Variants in ELMOD2 observed in about 807,000 individuals in gnomAD.
ELMOD2 encodes the protein ELMO domain-containing protein 2.
In ELMOD2, 28 loss-of-function variants were observed where a neutral mutation model predicts 41.0. That is an observed-to-expected ratio of 0.68 (90% confidence interval 0.51 to 0.94). ELMOD2 has a LOEUF of 0.94. Ranked by LOEUF, ELMOD2 falls within the 40% of genes least tolerant of loss-of-function variation. The probability of loss-of-function intolerance (pLI) is 0.00; values close to 1 mark genes in which losing one functional copy is unlikely to be tolerated. For synonymous variants in ELMOD2, 106 were observed against 107.2 expected (o/e 0.99, Z 0.07); for missense variants, 333 against 343.1 (o/e 0.97, Z 0.23).
At chr4:140,548,602 T>C (rs1735366484) in intron 8 of ELMOD2, among the ~76,000 whole-genome samples, 1 of 152,174 alleles carries the variant, frequency 6.6e-6, no homozygotes, top group Admixed American at 6.6e-5. Context: ...CCCTTTTGTG[T>C]AAAGTCATTG....
chr4:140,538,219 CA>C (rs1734992457), intron 5 of ELMOD2, among the ~76,000 whole-genome samples: 1 of 152,112 alleles, frequency 6.6e-6, no homozygotes, highest in Non-Finnish European at 1.5e-5. Context: ...GGAGATGAAG[CA>C]ATTTGCTTTA....
intron 1 of ELMOD2, 131 bp from the exon 2 acceptor site, chr4:140,525,285 CTAAT>C (rs1363609048): frequency 1.7e-5 from 16 of 926,746 alleles, no homozygotes; most frequent in African/African-American, 3.4e-5. Context: ...TTTTAAATGC[CTAAT>C]TAAACTGTCA....
rs1293788571 is a variant in ELMOD2, at chr4:140,553,722, A to G, written c.*3347A>G. On this transcript the variant is annotated 3_prime_UTR_variant, in exon 9 of 9. Transcript: ENST00000323570. ...AGTAAAAGCAATAGTGTAAAATGTC[A>G]TTTTGTTTGGAATGTTAAGTGAGCA... is the stretch of plus-strand genomic sequence containing the variant. 1 of 152,160 alleles carries G rather than the reference A, an allele frequency of 6.6e-6. No homozygotes were observed. The highest frequency in any genetic ancestry group is 2.4e-5 in the African/African-American group (1 of 41,456). The allele number at this position is 152,160 out of a possible 1,614,324, so 9.4% of individuals were successfully genotyped here.
chr4:140,548,024 C>T (rs1477326816), intron 8 of ELMOD2, among the ~76,000 whole-genome samples: 1 of 152,084 alleles, frequency 6.6e-6, no homozygotes, highest in Non-Finnish European at 1.5e-5. Context: ...TTATAGTCTC[C>T]GTTCTTCAAG....
chr4:140,527,799 C>T (rs1015953499), intron 3 of ELMOD2: 5 of 289,528 alleles, frequency 1.7e-5, no homozygotes, highest in African/African-American at 8.9e-5. Flanking sequence ...AGACTGTGTC[C>T]TCAGGATAGA....
In ELMOD2 at chr4:140,543,486, A is replaced by G. The variant is rs772895784; in HGVS notation, c.636A>G (p.Thr212=). ...ATGCAATAGTTGGAATCAATCTTAC[A>G]GAGATGGCTTATAGCTTACTGAAGA... The part of the protein sequence containing the change: ...YSYAIVGINL[T]EMAYSLLKSE... Residue 212 remains threonine (T), a synonymous_variant, in exon 8 of 9, where the codon ACA becomes ACG. Coordinates refer to ENST00000323570, the MANE Select transcript of ELMOD2 (RefSeq NM_153702.4). 7.5e-6 allele frequency: 12 copies of G among 1,604,604 alleles called. No individual in the cohort carries two copies. The South Asian group carries it at 1.2e-4, about 17-fold the overall frequency.
At chr4:140,525,070 C>T (rs79650369) in intron 1 of ELMOD2, 11,279 of 172,652 alleles carry the variant, frequency 0.065, 437 homozygotes, top group South Asian at 0.1. Flanking sequence ...TGATCTTGAA[C>T]TGTTGAGCCC....
chr4:140,545,145 G>A (rs766254407), intron 8 of ELMOD2, among the ~76,000 whole-genome samples: 3 of 150,920 alleles, frequency 2.0e-5, no homozygotes, highest in Non-Finnish European at 3.0e-5. Flanking sequence ...ACTTTTTTTT[G>A]CCGCCTAATA....
In ELMOD2 at chr4:140,539,452, C is replaced by T. The variant is rs572244326; in HGVS notation, c.400-716C>T. On this transcript the variant is annotated intron_variant, in intron 5 of 8. Coordinates refer to ENST00000323570, the MANE Select transcript of ELMOD2 (RefSeq NM_153702.4). ...TCTCAGCTCACTGCAAGCTCCGCCT[C>T]CCGGGTTCACGCCATTCTCCTGTCT... Among the ~76,000 whole-genome samples, 3 of 151,956 alleles carry T rather than the reference C, an allele frequency of 2.0e-5. No homozygotes were observed. The South Asian group carries it at 6.2e-4, about 32-fold the overall frequency.
At chr4:140,536,640 C>A (rs1236712652) in intron 4 of ELMOD2, among the ~76,000 whole-genome samples, 1 of 152,140 alleles carries the variant, frequency 6.6e-6, no homozygotes, top group Non-Finnish European at 1.5e-5. Context: ...TGATACATTG[C>A]AGAGTCTTGT....
intron 3 of ELMOD2, among the ~76,000 whole-genome samples, chr4:140,534,354 A>G (rs1261732773): frequency 6.6e-6 from 1 of 152,188 alleles, no homozygotes; most frequent in Admixed American, 6.5e-5. Flanking sequence ...CAGCTAAGCT[A>G]TGGTGGTAGA....
intron 7 of ELMOD2, 72 bp from the exon 8 acceptor site, chr4:140,543,381 T>A: frequency 6.6e-7 from 1 of 1,504,174 alleles, no homozygotes; most frequent in Non-Finnish European, 8.9e-7. Flanking sequence ...TTCTACTAAT[T>A]CCTAACATAA....
intron 6 of ELMOD2, among the ~76,000 whole-genome samples, chr4:140,540,743 TAAAAA>T (rs11297411): frequency 7.0e-6 from 1 of 142,598 alleles, no homozygotes; most frequent in Non-Finnish European, 1.5e-5. Flanking sequence ...ACCCTGTCTT[TAAAAA>T]AAAAAAAAAA....
At chr4:140,540,087 A>G in intron 5 of ELMOD2, 81 bp from the exon 6 acceptor site, 4 of 1,486,452 alleles carry the variant, frequency 2.7e-6, no homozygotes, top group South Asian at 1.4e-5. Context: ...TTTTTCTACA[A>G]AAGTTATTTG....
rs527251711 is a variant in ELMOD2, at chr4:140,552,915, A to G, written c.*2540A>G. 6.6e-6 allele frequency: 1 copy of G among 152,244 alleles called. No individual in the cohort carries two copies. The highest frequency in any genetic ancestry group is 2.1e-4 in the South Asian group (1 of 4,824). 9.4% of individuals were successfully genotyped at this position (152,244 alleles called of 1,614,324 possible). ...AGAAATTGGGGGTATCAGTGAACCT[A>G]TACCAACCTCTCTTTGTACATAAAT... On this transcript the variant is annotated 3_prime_UTR_variant, in exon 9 of 9. Coordinates refer to ENST00000323570, the MANE Select transcript of ELMOD2 (RefSeq NM_153702.4).
rs974813038 is a variant in ELMOD2, at chr4:140,552,370, T to C, written c.*1995T>C. 1 of 152,048 alleles carries C rather than the reference T, an allele frequency of 6.6e-6. No homozygotes were observed. Among genetic ancestry groups the C allele is most frequent in the Non-Finnish European group, 1.5e-5 (1 of 67,926 alleles). The allele number at this position is 152,048 out of a possible 1,614,324, so 9.4% of individuals were successfully genotyped here. On this transcript the variant is annotated 3_prime_UTR_variant, in exon 9 of 9. Transcript: ENST00000323570. ...CAATAATATGTTCTTTAAATCCACC[T>C]CCATTTGTACATTATAGGTATCATT... is the stretch of plus-strand genomic sequence containing the variant.
intron 1 of ELMOD2, 64 bp from the exon 2 acceptor site, chr4:140,525,356 C>T (rs200135340): frequency 1.3e-6 from 2 of 1,498,350 alleles, no homozygotes; most frequent in South Asian, 1.3e-5. Flanking sequence ...GTTGTATAAA[C>T]TTTTTAAATT....
In ELMOD2 at chr4:140,537,398, T is replaced by G. The variant is rs761868502; in HGVS notation, c.270-14T>G. On this transcript the variant is annotated splice_polypyrimidine_tract_variant and intron_variant, in intron 4 of 8. Coordinates refer to ENST00000323570, the MANE Select transcript of ELMOD2 (RefSeq NM_153702.4). ...AGAGGGTATGCTTTTTAAAAATAATTTTATCATTTTTAGTTTTAAAATATG... is the reference window on the plus strand; with the variant it reads ...AGAGGGTATGCTTTTTAAAAATAATGTTATCATTTTTAGTTTTAAAATATG... 1 of 1,480,754 alleles carries G rather than the reference T, an allele frequency of 6.8e-7. No individual in the cohort carries two copies. Among genetic ancestry groups the G allele is most frequent in the Non-Finnish European group, 8.9e-7 (1 of 1,121,460 alleles). The allele number at this position is 1,480,754 out of a possible 1,614,324, so 91.7% of individuals were successfully genotyped here.
rs926535766 is a variant in ELMOD2 at position 140,525,496 on chromosome 4, G to A, written c.68G>A (p.Arg23Gln). 1.9e-6 allele frequency: 3 copies of A among 1,613,788 alleles called. No individual in the cohort carries two copies. The highest frequency in any genetic ancestry group is 1.7e-5 in the Admixed American group (1 of 59,992). The change falls in exon 2 of 9, where the codon CGA (arginine) becomes CAA (glutamine). Residue 23 changes from arginine (R) to glutamine (Q), a missense_variant. Physicochemically the swap from Arg to Gln is conservative, Grantham distance 43. Transcript: ENST00000323570. ...CGATTTTGGATGAAATGGCTATTAC[G>A]ACAGATGACTGGGAAGTGTGAATTG... is the stretch of plus-strand genomic sequence containing the variant. ...FFRFWMKWLL[R>Q]QMTGKCELQR...
Sources: allele counts gnomAD v4.1 joint callset (sites outside exome capture counted in the v4.1 genomes callset), GRCh38; gene constraint gnomAD v4.1.1; transcripts MANE v1.5; gene names NCBI Gene and HGNC (gene_info 2026-07-23, HGNC 2026-07-21).